NCR1: variants seen among roughly 807,000 people sequenced by gnomAD.
NCR1 encodes the protein NK cell-activating receptor.
NCR1 carries 30 observed loss-of-function variants against 32.5 expected under a neutral mutation model. The observed-to-expected ratio is 0.92, with a 90% CI of 0.69 to 1.25. The LOEUF (loss-of-function observed/expected upper bound fraction) is 1.25. NCR1 is among the 50% of genes most tolerant of loss of function. NCR1 has a pLI of 0.00. For missense variants in NCR1, 369 were observed against 380.7 expected, an observed-to-expected ratio of 0.97 and a Z score of 0.26; for synonymous variants, 169 against 143.4, an observed-to-expected ratio of 1.18 and a Z score of -1.28.
chr19:54,934,296 C>T, the NCR1 span, among the ~76,000 whole-genome samples: 20 of 152,132 alleles, frequency 1.3e-4, no homozygotes, highest in South Asian at 6.2e-4. The surrounding 1 kb of genome is among the most constrained non-coding windows in gnomAD (Gnocchi z 6.7). Flanking sequence ...AGGTTGGTCT[C>T]GAACTCCTGA....
At chr19:54,903,022 T>C (rs115540696), upstream of NCR1, among the ~76,000 whole-genome samples, 8,515 of 151,858 alleles carry the variant, frequency 0.056, 302 homozygotes, top group Middle Eastern at 0.12. Flanking sequence ...CCCAGCTACT[T>C]GGGAGGCTAG....
At chr19:54,900,633 G>A in the NCR1 span, among the ~76,000 whole-genome samples, 55 of 152,042 alleles carry the variant, frequency 3.6e-4, no homozygotes, top group Non-Finnish European at 1.0e-4. Context: ...CGCACACCTC[G>A]GCCTCCCAAA....
At chr19:54,933,713 G>C in the NCR1 span, 1 of 1,614,120 alleles carries the variant, frequency 6.2e-7, no homozygotes, top group Non-Finnish European at 8.5e-7. Context: ...CTTGCAACTG[G>C]CTTCTGTAAG....
chr19:54,901,704 A>G (rs587718117), upstream of NCR1, among the ~76,000 whole-genome samples: 1 of 152,224 alleles, frequency 6.6e-6, no homozygotes, highest in Admixed American at 6.5e-5. Context: ...GTGGTGGCTC[A>G]TGCCTCTAAT....
chr19:54,914,673 T>C (rs1241326410), downstream of NCR1, among the ~76,000 whole-genome samples: 1 of 152,064 alleles, frequency 6.6e-6, no homozygotes, highest in Non-Finnish European at 1.5e-5. Context: ...CCTTGCCTTG[T>C]TCTTCAGGGC....
In NCR1 at chr19:54,912,934, C is replaced by G; in HGVS notation, c.*63C>G. 1 of 1,534,894 alleles carries G rather than the reference C, an allele frequency of 6.5e-7. No homozygotes were observed. The highest frequency in any genetic ancestry group is 8.8e-7 in the Non-Finnish European group (1 of 1,131,616). On this transcript the variant is annotated 3_prime_UTR_variant, in exon 7 of 7. Coordinates refer to ENST00000291890, the MANE Select transcript of NCR1 (RefSeq NM_004829.7). The stretch of plus-strand genomic sequence containing the variant: ...GAAAGCTGGTGTTGAGCCTGGGCGG[C>G]GTGAGCTCTGTGTTGGACCCACGGA...
At chr19:54,935,557 G>A in the NCR1 span, among the ~76,000 whole-genome samples, 11 of 149,830 alleles carry the variant, frequency 7.3e-5, no homozygotes, top group East Asian at 3.9e-4. Context: ...TTTGCCAGGC[G>A]TGGTGGTGCA....
chr19:54,914,318 G>A (rs1035528846), downstream of NCR1, among the ~76,000 whole-genome samples: 2 of 150,978 alleles, frequency 1.3e-5, no homozygotes, highest in African/African-American at 2.4e-5. Flanking sequence ...CCACTAACTC[G>A]TCATTTAACA....
In NCR1 at chr19:54,910,026, G is replaced by A. The variant is rs775855444; in HGVS notation, c.643G>A (p.Glu215Lys). The change falls in exon 5 of 7, where the codon GAG (glutamate) becomes AAG (lysine). Residue 215 changes from glutamate (E) to lysine (K), a missense_variant. Transcript: ENST00000291890. ...PVKLLVTGDI[E>K]NTSLAPEDPT... ...TTTATCTCCTTTTCCAGGCGACATT[G>A]AGAACACCAGCCTTGCACCTGAAGA... is the stretch of plus-strand genomic sequence containing the variant. The A allele has an allele frequency of 9.9e-6, 16 of 1,611,136 alleles. No individual in the cohort carries two copies. Among genetic ancestry groups the A allele is most frequent in the Admixed American group, 1.7e-5 (1 of 59,764 alleles).
At chr19:54,917,583 A>G (rs2068161675), downstream of NCR1, among the ~76,000 whole-genome samples, 1 of 152,110 alleles carries the variant, frequency 6.6e-6, no homozygotes, top group East Asian at 1.9e-4. Flanking sequence ...GGCCTCCCAA[A>G]GTGCGAGGAT....
chr19:54,931,871 G>A, the NCR1 span, among the ~76,000 whole-genome samples: 1 of 151,388 alleles, frequency 6.6e-6, no homozygotes, highest in Admixed American at 6.6e-5. Context: ...CATCCAAATG[G>A]CCTTCTGATT....
the NCR1 span, chr19:54,936,225 C>G: frequency 6.3e-7 from 1 of 1,594,152 alleles, no homozygotes; most frequent in Admixed American, 1.7e-5. Flanking sequence ...GCAGTGGACT[C>G]CAGGTGCTGG....
chr19:54,910,213 A>G, intron 5 of NCR1, 148 bp downstream of exon 5: 2 of 744,656 alleles, frequency 2.7e-6, no homozygotes, highest in Non-Finnish European at 4.6e-6. Context: ...GAGATGGTGC[A>G]TCATTTGAGG....
chr19:54,936,414 G>T, the NCR1 span: 1 of 1,614,116 alleles, frequency 6.2e-7, no homozygotes, highest in Non-Finnish European at 8.5e-7. Context: ...CGCGGTGTCA[G>T]GGGTGACGTT....
the NCR1 span, among the ~76,000 whole-genome samples, chr19:54,921,729 A>G: frequency 7.0e-5 from 10 of 142,578 alleles, no homozygotes; most frequent in African/African-American, 2.6e-4. Flanking sequence ...CCAAGATCGC[A>G]CCACTGCACT....
chr19:54,934,449 A>G, the NCR1 span: 1 of 1,607,760 alleles, frequency 6.2e-7, no homozygotes, highest in South Asian at 1.1e-5. This position sits in a 1 kb window ranked among gnomAD's most constrained non-coding sequence, Gnocchi z 6.7. Context: ...CTATAGCCCC[A>G]GAACTAAACC....
the NCR1 span, chr19:54,930,506 G>A: frequency 1.2e-6 from 2 of 1,605,354 alleles, no homozygotes; most frequent in Admixed American, 3.3e-5. Context: ...TACCGTAGGT[G>A]TTTTAGGTTA....
chr19:54,923,719 C>T, the NCR1 span: 13 of 1,612,032 alleles, frequency 8.1e-6, no homozygotes, highest in Non-Finnish European at 1.1e-5. Flanking sequence ...CTGTGTAATT[C>T]GTAGAGCGAT....
chr19:54,926,529 C>G, the NCR1 span, among the ~76,000 whole-genome samples: 661 of 152,174 alleles, frequency 4.3e-3, 7 homozygotes, highest in African/African-American at 0.015. Context: ...CCTGTAATCC[C>G]GGCACTTTGA....
Sources: gnomAD v4.1 joint callset for allele counts (sites outside exome capture counted in the v4.1 genomes callset) on GRCh38, gnomAD v4.1.1 for gene constraint, Gnocchi (gnomAD v3.1) non-coding constraint, MANE v1.5 for transcripts, NCBI Gene and HGNC (gene_info 2026-07-23, HGNC 2026-07-21) for gene names.